Variants in FBXW4 observed in about 807,000 individuals in gnomAD.
FBXW4 encodes the protein F-box and WD repeat domain containing 4, also known as F-box/WD repeat-containing protein 4.
Under a neutral mutation model 61.8 loss-of-function variants are expected in FBXW4, and 40 were observed. The ratio of observed to expected loss-of-function variants is 0.65; its 90% CI spans 0.50 to 0.84. FBXW4 has a LOEUF of 0.84. FBXW4 is among the 40% of genes least tolerant of loss of function. The pLI, the probability that FBXW4 is intolerant of heterozygous loss-of-function variation, is 0.00. For missense variants in FBXW4, 672 were observed against 753.8 expected, an observed-to-expected ratio of 0.89 and a Z score of 1.27; for synonymous variants, 311 against 313.8, an observed-to-expected ratio of 0.99 and a Z score of 0.10.
intron 4 of FBXW4, among the ~76,000 whole-genome samples, chr10:101,668,789 C>G (rs542139526): frequency 1.3e-5 from 2 of 152,260 alleles, no homozygotes; most frequent in East Asian, 1.9e-4. Flanking sequence ...AGGGCTCCCC[C>G]CTCACTTCAC....
intron 7 of FBXW4, among the ~76,000 whole-genome samples, 177 bp downstream of exon 7, chr10:101,612,160 G>A (rs1162938087): frequency 1.3e-5 from 2 of 152,240 alleles, no homozygotes; most frequent in African/African-American, 4.8e-5. Flanking sequence ...CTATAGCCAA[G>A]CCACTGGGAC....
chr10:101,630,517 T>C (rs1023507714), intron 5 of FBXW4, among the ~76,000 whole-genome samples: 3 of 152,194 alleles, frequency 2.0e-5, no homozygotes, highest in Non-Finnish European at 4.4e-5. Flanking sequence ...TCAGGTCTCA[T>C]TGCTGCTGCC....
chr10:101,624,763 C>T lies in FBXW4; in HGVS notation c.1283G>A (p.Arg428Lys). Reference sequence around the variant, plus strand: ...CTCTTACCTGTTGAGGTCCCAGATTCTCAGGGGTGAGAAGTGCCCGCAACA... The same window carrying T: ...CTCTTACCTGTTGAGGTCCCAGATTTTCAGGGGTGAGAAGTGCCCGCAACA... ...TACCGHFSPLRIWDLNSGQLM... is the reference protein window; with the variant it reads ...TACCGHFSPLKIWDLNSGQLM... Residue 428 changes from arginine (R) to lysine (K), a missense_variant, in exon 6 of 9, where the codon AGA (arginine) becomes AAA (lysine). Around this residue, in one of 5 missense-constraint regions of FBXW4, gnomAD observed 312 missense variants for 370.1 expected, o/e 0.84. Coordinates refer to ENST00000331272, the MANE Select transcript of FBXW4 (RefSeq NM_022039.4). The T allele has an allele frequency of 6.2e-7, 1 of 1,614,214 alleles. No individual in the cohort carries two copies. The highest frequency in any genetic ancestry group is 8.5e-7 in the Non-Finnish European group (1 of 1,180,032).
At chr10:101,677,966 T>A (rs943864375) in intron 1 of FBXW4, among the ~76,000 whole-genome samples, 13 of 152,098 alleles carry the variant, frequency 8.5e-5, no homozygotes, top group African/African-American at 3.1e-4. Context: ...CTGATATCTG[T>A]AACTTATTTT....
At chr10:101,626,828 C>T (rs1175963361) in intron 5 of FBXW4, 1 of 152,270 alleles carries the variant, frequency 6.6e-6, no homozygotes, top group Non-Finnish European at 1.5e-5. Context: ...TGACTGGCCA[C>T]AGGCCTAAAT....
At chr10:101,665,334 C>T (rs111774880) in intron 5 of FBXW4, among the ~76,000 whole-genome samples, 3 of 152,092 alleles carry the variant, frequency 2.0e-5, no homozygotes, top group Non-Finnish European at 1.5e-5. Flanking sequence ...AACTGTTGGT[C>T]AGGAGCTGAC....
At chr10:101,624,963 G>T in intron 5 of FBXW4, 153 bp from the exon 6 acceptor site, 1 of 796,978 alleles carries the variant, frequency 1.3e-6, no homozygotes, top group Non-Finnish European at 2.1e-6. Flanking sequence ...GAGGAGCTGT[G>T]GGAAGACATC....
chr10:101,616,326 A>C (rs2063826359), intron 6 of FBXW4, among the ~76,000 whole-genome samples: 7 of 152,230 alleles, frequency 4.6e-5, no homozygotes, highest in Non-Finnish European at 8.8e-5. Context: ...TCAGTCGAGC[A>C]TCTTCTGTAT....
At chr10:101,690,050 GGGA>G (rs1389992547) in intron 1 of FBXW4, among the ~76,000 whole-genome samples, 1 of 152,186 alleles carries the variant, frequency 6.6e-6, no homozygotes, top group Non-Finnish European at 1.5e-5. Context: ...CACTTAATTC[GGGA>G]GGAAGAGGAT....
intron 5 of FBXW4, among the ~76,000 whole-genome samples, chr10:101,667,405 C>T (rs761075863): frequency 2.0e-4 from 31 of 152,004 alleles, no homozygotes; most frequent in Non-Finnish European, 3.7e-4. Context: ...TTTGAGGACC[C>T]AGCTGGATCT....
chr10:101,659,495 C>A (rs1287718388), intron 5 of FBXW4: 6 of 940,134 alleles, frequency 6.4e-6, no homozygotes, highest in African/African-American at 3.5e-5. Context: ...TAGAGACCAG[C>A]AGTGGGAAAA....
intron 5 of FBXW4, among the ~76,000 whole-genome samples, chr10:101,658,894 T>A (rs1037228287): frequency 1.3e-5 from 2 of 151,820 alleles, no homozygotes; most frequent in East Asian, 3.9e-4. Flanking sequence ...AGCTAACAGG[T>A]GGGGAAATCT....
intron 5 of FBXW4, among the ~76,000 whole-genome samples, chr10:101,660,819 G>A (rs957064923): frequency 1.3e-5 from 2 of 152,180 alleles, no homozygotes; most frequent in African/African-American, 2.4e-5. Context: ...TCCGTCCAGC[G>A]TGCTCCCAAG....
chr10:101,629,337 T>C (rs1280018978), intron 5 of FBXW4, among the ~76,000 whole-genome samples: 1 of 151,590 alleles, frequency 6.6e-6, no homozygotes, highest in Non-Finnish European at 1.5e-5. Context: ...CAGGCTGGAG[T>C]GCAGTGGTGC....
chr10:101,628,557 C>G (rs1342804163), intron 5 of FBXW4, among the ~76,000 whole-genome samples: 1 of 152,328 alleles, frequency 6.6e-6, no homozygotes, highest in East Asian at 1.9e-4. Flanking sequence ...AAAGCCTACA[C>G]AGCTGGGAAA....
At chr10:101,619,294 C>T (rs2063849559) in intron 6 of FBXW4, among the ~76,000 whole-genome samples, 2 of 152,188 alleles carry the variant, frequency 1.3e-5, no homozygotes, top group Admixed American at 6.5e-5. Flanking sequence ...GGGTGAAGGA[C>T]TCTTTCTCGT....
At chr10:101,630,186 A>T (rs951979360) in intron 5 of FBXW4, among the ~76,000 whole-genome samples, 1 of 152,234 alleles carries the variant, frequency 6.6e-6, no homozygotes, top group African/African-American at 2.4e-5. Context: ...TCTGACAGGC[A>T]CTGACACGAG....
At chr10:101,653,227 G>A (rs539380282) in intron 5 of FBXW4, among the ~76,000 whole-genome samples, 3 of 152,204 alleles carry the variant, frequency 2.0e-5, no homozygotes, top group African/African-American at 7.2e-5. Context: ...CTGTCCCTAC[G>A]AGTCTGGTCC....
chr10:101,687,461 C>T (rs2064545306), intron 1 of FBXW4, among the ~76,000 whole-genome samples: 2 of 152,272 alleles, frequency 1.3e-5, no homozygotes, highest in South Asian at 2.1e-4. Context: ...TACTTGCTTC[C>T]GGCCCATCTG....
Sources: allele counts gnomAD v4.1 joint callset (sites outside exome capture counted in the v4.1 genomes callset), GRCh38; gene constraint gnomAD v4.1.1; regional missense constraint gnomAD v4.1.1; transcripts MANE v1.5; gene names NCBI Gene and HGNC (gene_info 2026-07-23, HGNC 2026-07-21).